Variants in IL1RAPL2 observed in about 807,000 individuals in gnomAD.
The protein encoded by IL1RAPL2 is X-linked interleukin-1 receptor accessory protein-like 2.
A neutral mutation model predicts 44.1 loss-of-function variants in IL1RAPL2; 3 were observed. The ratio of observed to expected loss-of-function variants is 0.07; its 90% CI spans 0.03 to 0.18. The LOEUF (loss-of-function observed/expected upper bound fraction) is 0.18. IL1RAPL2 is among the 10% of genes least tolerant of loss of function. The probability of loss-of-function intolerance (pLI) is 1.00; values close to 1 mark genes in which losing one functional copy is unlikely to be tolerated. For missense variants in IL1RAPL2, 391 were observed against 496.4 expected (o/e 0.79, Z 2.02); for synonymous variants, 181 against 178.8 (o/e 1.01, Z -0.10).
At chrX:105,405,165 C>A (rs2035634044) in intron 5 of IL1RAPL2, among the ~76,000 whole-genome samples, 2 of 111,431 alleles carry the variant, frequency 1.8e-5, no homozygotes, top group South Asian at 7.5e-4. Flanking sequence ...TTATGAAAAT[C>A]ATTTTGGTTC....
At chrX:105,675,513 A>G (rs2037863095) in intron 6 of IL1RAPL2, among the ~76,000 whole-genome samples, 1 of 112,137 alleles carries the variant, frequency 8.9e-6, no homozygotes, top group African/African-American at 3.2e-5. Context: ...AATGAAGCCA[A>G]TTTGATCGTG....
chrX:104,603,319 A>G (rs1466091125), intron 1 of IL1RAPL2, among the ~76,000 whole-genome samples: 1 of 111,680 alleles, frequency 9.0e-6, no homozygotes, highest in Admixed American at 9.5e-5. Context: ...CAAAGACCAA[A>G]GGTAGATAAA....
chrX:105,141,560 A>T (rs1226136403), intron 2 of IL1RAPL2, among the ~76,000 whole-genome samples: 2 of 112,009 alleles, frequency 1.8e-5, no homozygotes, highest in African/African-American at 6.5e-5. Flanking sequence ...GAGCCCCCAA[A>T]TGACATTATA....
chrX:105,308,273 T>A (rs1741714), intron 5 of IL1RAPL2, among the ~76,000 whole-genome samples: 28,061 of 111,111 alleles, frequency 0.25, 6,939 homozygotes, highest in African/African-American at 0.78. Context: ...TGCAGAAACC[T>A]GTTTTAGAAT....
At chrX:104,926,671 C>T (rs760963326) in intron 2 of IL1RAPL2, among the ~76,000 whole-genome samples, 13 of 111,805 alleles carry the variant, frequency 1.2e-4, no homozygotes, top group Non-Finnish European at 2.3e-4. Context: ...TGATGTATCC[C>T]ATCATATAAG....
intron 2 of IL1RAPL2, among the ~76,000 whole-genome samples, chrX:104,695,088 CAATA>C (rs1352330960): frequency 8.9e-6 from 1 of 111,911 alleles, no homozygotes; most frequent in Non-Finnish European, 1.9e-5. Context: ...CCTTCACTCC[CAATA>C]AATACATTAG....
chrX:104,634,266 G>A (rs1220685619), intron 1 of IL1RAPL2, among the ~76,000 whole-genome samples: 2 of 111,525 alleles, frequency 1.8e-5, no homozygotes, highest in South Asian at 3.8e-4. Flanking sequence ...ACTTCCAACT[G>A]TGTGGTCCAT....
Position 104,916,764 on chromosome X carries a change from AGTTTTTAGCATGAAGG to A in IL1RAPL2, c.82+257773_82+257788del, listed in dbSNP as rs1367529564. 1.4e-3 allele frequency among the ~76,000 whole-genome samples: 159 copies of A among 111,208 alleles called. 1 individual carries two copies. The highest frequency in any genetic ancestry group is 4.8e-3 in the African/African-American group (147 of 30,603). ...TCCCATCAGTACGTAATTTCTTGAGAGTTTTTAGCATGAAGGGTTGTTGAATTTTGTCAAAGGCCTT... is the reference window on the plus strand; with the variant it reads ...TCCCATCAGTACGTAATTTCTTGAGAGTTGTTGAATTTTGTCAAAGGCCTT... On this transcript the variant is annotated intron_variant, in intron 2 of 10. Transcript: ENST00000372582.
intron 2 of IL1RAPL2, among the ~76,000 whole-genome samples, chrX:104,726,999 C>T (rs1468583229): frequency 2.8e-5 from 3 of 109,009 alleles, no homozygotes; most frequent in African/African-American, 1.0e-4. Flanking sequence ...AAAAAAAAAT[C>T]CTAGAATAAA....
chrX:105,123,655 A>AT lies in IL1RAPL2; in HGVS notation c.83-71812dup, dbSNP rs199745632. Among the ~76,000 whole-genome samples the AT allele has an allele frequency of 6.8e-3, 753 of 110,792 alleles. 9 individuals carry two copies. The highest frequency in any genetic ancestry group is 0.023 in the African/African-American group (712 of 30,622). The stretch of plus-strand genomic sequence containing the variant: ...TTTGGAACAAAGCATATTAAATAGT[A>AT]TTTTTTTTGTGGGTGCCAATGGCAG... On this transcript the variant is annotated intron_variant, in intron 2 of 10. Coordinates refer to ENST00000372582, the MANE Select transcript of IL1RAPL2 (RefSeq NM_017416.2).
At chrX:105,666,525 G>A (rs1039768950) in intron 6 of IL1RAPL2, among the ~76,000 whole-genome samples, 1 of 111,599 alleles carries the variant, frequency 9.0e-6, no homozygotes, top group Non-Finnish European at 1.9e-5. Flanking sequence ...TGTGTGCATC[G>A]GTAATTTCTA....
intron 6 of IL1RAPL2, among the ~76,000 whole-genome samples, chrX:105,553,129 T>C (rs2036870623): frequency 8.9e-6 from 1 of 112,144 alleles, no homozygotes; most frequent in African/African-American, 3.2e-5. Flanking sequence ...AAAGGAACTC[T>C]CACTCAATCT....
At chrX:105,243,581 AT>A in intron 4 of IL1RAPL2, among the ~76,000 whole-genome samples, 1 of 91,165 alleles carries the variant, frequency 1.1e-5, no homozygotes, top group East Asian at 3.1e-4. Flanking sequence ...ATATATATAT[AT>A]ATGTGTATAT....
intron 5 of IL1RAPL2, among the ~76,000 whole-genome samples, chrX:105,463,260 A>G (rs1271152582): frequency 1.8e-5 from 2 of 110,597 alleles, no homozygotes; most frequent in East Asian, 2.9e-4. Flanking sequence ...CATTTATCCA[A>G]TGAATAATAA....
chrX:105,003,910 C>G (rs1374632721), intron 2 of IL1RAPL2, among the ~76,000 whole-genome samples: 1 of 111,417 alleles, frequency 9.0e-6, no homozygotes, highest in African/African-American at 3.3e-5. Flanking sequence ...ATGTGCCAGA[C>G]ATCATTCTCA....
chrX:105,676,291 G>A (rs772784949), intron 6 of IL1RAPL2: 1 of 111,954 alleles, frequency 8.9e-6, no homozygotes, highest in East Asian at 2.8e-4. Context: ...TCACAGGCCA[G>A]ACTAGAGCTC....
intron 2 of IL1RAPL2, among the ~76,000 whole-genome samples, chrX:104,899,329 C>T (rs1443980143): frequency 8.9e-6 from 1 of 111,883 alleles, no homozygotes; most frequent in Non-Finnish European, 1.9e-5. Context: ...GACATACATG[C>T]TATATTTTCA....
intron 2 of IL1RAPL2, among the ~76,000 whole-genome samples, chrX:105,067,090 C>T (rs901381497): frequency 1.8e-5 from 2 of 111,899 alleles, no homozygotes; most frequent in South Asian, 3.7e-4. Flanking sequence ...TTGCAAGTTC[C>T]GCTGAGTAAG....
Position 104,942,021 on chromosome X carries a change from A to G in IL1RAPL2, c.83-253454A>G, listed in dbSNP as rs765073243. Among the ~76,000 whole-genome samples, 10 of 111,058 alleles carry G rather than the reference A, an allele frequency of 9.0e-5. No individual in the cohort carries two copies. The South Asian group carries it at 3.8e-3, about 42-fold the overall frequency. On this transcript the variant is annotated intron_variant, in intron 2 of 10. Coordinates refer to ENST00000372582, the MANE Select transcript of IL1RAPL2 (RefSeq NM_017416.2). Reference sequence around the variant, plus strand: ...GATCAGATGGTTGTAGATGTGTGGTATTATTTCTGAGGTCTCTGTTCTGTT... The same window carrying G: ...GATCAGATGGTTGTAGATGTGTGGTGTTATTTCTGAGGTCTCTGTTCTGTT...
Sources: allele counts gnomAD v4.1 joint callset (sites outside exome capture counted in the v4.1 genomes callset), GRCh38; gene constraint gnomAD v4.1.1; transcripts MANE v1.5; gene names NCBI Gene and HGNC (gene_info 2026-07-23, HGNC 2026-07-21).